CTNNB1: variants seen among roughly 807,000 people sequenced by gnomAD.
CTNNB1 encodes catenin beta 1.
A neutral mutation model predicts 82.5 loss-of-function variants in CTNNB1; 6 were observed. The observed-to-expected ratio is 0.07, with a 90% CI of 0.04 to 0.14. The LOEUF is 0.14. CTNNB1 is among the 10% of genes least tolerant of loss of function. The pLI, the probability that CTNNB1 is intolerant of heterozygous loss-of-function variation, is 1.00. For missense variants in CTNNB1, 529 were observed against 980.4 expected (o/e 0.54, Z 6.15); for synonymous variants, 312 against 329.7 (o/e 0.95, Z 0.58).
chr3:41,220,189 C>T (rs945780526), intron 1 of CTNNB1, among the ~76,000 whole-genome samples: 2 of 151,858 alleles, frequency 1.3e-5, no homozygotes, highest in South Asian at 4.2e-4. Context: ...AAAGAGATTT[C>T]CTATTTCTTT....
intron 1 of CTNNB1, among the ~76,000 whole-genome samples, chr3:41,207,110 GTT>G (rs1337861758): frequency 1.1e-4 from 17 of 152,108 alleles, no homozygotes; most frequent in Middle Eastern, 3.4e-3. Flanking sequence ...TTGTGCTGTC[GTT>G]TTTCCTGGGT....
intron 13 of CTNNB1, chr3:41,237,650 T>C (rs1431363638): frequency 1.5e-5 from 3 of 204,594 alleles, no homozygotes; most frequent in Non-Finnish European, 2.9e-5. Context: ...TTTTCTTTCA[T>C]ATAACACATC....
At chr3:41,208,956 T>G (rs991242313) in intron 1 of CTNNB1, among the ~76,000 whole-genome samples, 2 of 152,194 alleles carry the variant, frequency 1.3e-5, no homozygotes, top group Non-Finnish European at 2.9e-5. Context: ...CTTGAAAAAT[T>G]GCTTTATGTA....
At chr3:41,238,701 C>T (rs774765435) in intron 14 of CTNNB1, among the ~76,000 whole-genome samples, 5 of 152,136 alleles carry the variant, frequency 3.3e-5, no homozygotes, top group Non-Finnish European at 7.3e-5. Context: ...TTGTGGGTGT[C>T]ACTTGGCCTT....
chr3:41,218,468 A>G (rs960339820), intron 1 of CTNNB1, among the ~76,000 whole-genome samples: 5 of 152,252 alleles, frequency 3.3e-5, no homozygotes, highest in Non-Finnish European at 7.3e-5. Context: ...TACTGTTATG[A>G]ATGAAATCTG....
chr3:41,233,841 C>G lies in CTNNB1; in HGVS notation c.1498C>G (p.Pro500Ala), dbSNP rs2125640784. 3.1e-6 allele frequency: 5 copies of G among 1,613,784 alleles called. No individual in the cohort carries two copies. Among genetic ancestry groups the G allele is most frequent in the Non-Finnish European group, 4.2e-6 (5 of 1,179,910 alleles). Residue 500 changes from proline to alanine, a missense_variant, in exon 9 of 15, where the codon CCA becomes GCA. Transcript: ENST00000349496. ...GLPVVVKLLHPPSHWPLIKAT... is the reference protein window; with the variant it reads ...GLPVVVKLLHAPSHWPLIKAT... Reference sequence around the variant, plus strand: ...ACCAGTTGTGGTTAAGCTCTTACACCCACCATCCCACTGGCCTCTGATAAA... The same window carrying G: ...ACCAGTTGTGGTTAAGCTCTTACACGCACCATCCCACTGGCCTCTGATAAA...
chr3:41,236,873 A>G, intron 13 of CTNNB1, 164 bp downstream of exon 13: 5 of 819,214 alleles, frequency 6.1e-6, no homozygotes, highest in African/African-American at 1.7e-5. Flanking sequence ...AGGAAGAACT[A>G]TAATACAAGC....
intron 1 of CTNNB1, among the ~76,000 whole-genome samples, chr3:41,205,091 G>T (rs2077619371): frequency 6.6e-6 from 1 of 152,180 alleles, no homozygotes; most frequent in Non-Finnish European, 1.5e-5. Context: ...TTCTTTAAGT[G>T]TATTTTTAAG....
chr3:41,218,742 AG>A (rs2077971189), intron 1 of CTNNB1, among the ~76,000 whole-genome samples: 1 of 152,210 alleles, frequency 6.6e-6, no homozygotes, highest in Non-Finnish European at 1.5e-5. Flanking sequence ...TTTTTAGTAG[AG>A]ACAGGGTTTC....
intron 1 of CTNNB1, among the ~76,000 whole-genome samples, chr3:41,214,017 T>G (rs1390734969): frequency 3.3e-5 from 5 of 152,130 alleles, no homozygotes; most frequent in African/African-American, 1.2e-4. Flanking sequence ...GACAGAAGGT[T>G]TCAAAAGTTT....
intron 1 of CTNNB1, 88 bp from the exon 2 acceptor site, chr3:41,223,933 T>C: frequency 1.0e-6 from 1 of 961,584 alleles, no homozygotes; most frequent in South Asian, 1.4e-5. Flanking sequence ...GTGGGTGTAA[T>C]AGTGACATTT....
intron 7 of CTNNB1, among the ~76,000 whole-genome samples, chr3:41,229,189 CT>C (rs2078246460): frequency 1.3e-5 from 2 of 151,672 alleles, no homozygotes; most frequent in South Asian, 4.2e-4. Flanking sequence ...GCTATTCAGG[CT>C]CTTTTTTGGG....
chr3:41,203,824 C>A lies in CTNNB1; in HGVS notation c.-49+4154C>A, dbSNP rs947843213. Among the ~76,000 whole-genome samples, 3 of 152,082 alleles carry A rather than the reference C, an allele frequency of 2.0e-5. No individual in the cohort carries two copies. In the East Asian group the frequency reaches 5.8e-4, roughly 29 times the overall value. On this transcript the variant is annotated intron_variant, in intron 1 of 14. Coordinates refer to ENST00000349496, the MANE Select transcript of CTNNB1 (RefSeq NM_001904.4). Reference sequence around the variant, plus strand: ...TATTATTTTCTGAAAATCCATGTTTCAAATCAGAATCTAATTAGCAACAGG... The same window carrying A: ...TATTATTTTCTGAAAATCCATGTTTAAAATCAGAATCTAATTAGCAACAGG...
At position 41,236,393 on chromosome 3, in the gene CTNNB1, G is replaced by A; in HGVS notation, c.1848G>A (p.Gly616=). Residue 616 remains glycine, a synonymous_variant, in exon 12 of 15, where the codon GGG becomes GGA. Coordinates refer to ENST00000349496, the MANE Select transcript of CTNNB1 (RefSeq NM_001904.4). ...PIENIQRVAA[G]VLCELAQDKE... is the part of the protein sequence containing the mutation. ...AAAACATCCAAAGAGTAGCTGCAGG[G>A]GTCCTCTGTGAACTTGCTCAGGACA... 12 of 1,614,148 alleles carry A rather than the reference G, an allele frequency of 7.4e-6. No homozygotes were observed. Among genetic ancestry groups the A allele is most frequent in the Non-Finnish European group, 1.0e-5 (12 of 1,180,020 alleles).
At chr3:41,226,811 G>A (rs1362065122) in intron 6 of CTNNB1, among the ~76,000 whole-genome samples, 7 of 152,156 alleles carry the variant, frequency 4.6e-5, no homozygotes, top group Non-Finnish European at 7.3e-5. Context: ...GAAAATTAAA[G>A]GGCCAAATGA....
In CTNNB1 at chr3:41,239,345, C is replaced by T. The variant is rs1273314076; in HGVS notation, c.*3C>T. On this transcript the variant is annotated 3_prime_UTR_variant, in exon 15 of 15. Transcript: ENST00000349496. ...CCTGGTTTGATACTGACCTGTAAAT[C>T]ATCCTTTAGGTAAGAAGTTTTAAAA... 6.2e-7 allele frequency: 1 copy of T among 1,613,202 alleles called. No individual in the cohort carries two copies. The highest frequency in any genetic ancestry group is 1.7e-5 in the Admixed American group (1 of 59,910).
intron 7 of CTNNB1, among the ~76,000 whole-genome samples, chr3:41,230,876 C>T (rs1050460361): frequency 2.0e-5 from 3 of 152,126 alleles, no homozygotes; most frequent in Non-Finnish European, 2.9e-5. Context: ...GGGCTACACA[C>T]CAAATACACT....
intron 1 of CTNNB1, among the ~76,000 whole-genome samples, chr3:41,215,160 G>A (rs1346665361): frequency 6.8e-6 from 1 of 146,686 alleles, no homozygotes; most frequent in Non-Finnish European, 1.5e-5. Context: ...GGTGGATCAC[G>A]AGGGCAGGAG....
chr3:41,235,796 A>G lies in CTNNB1; in HGVS notation c.1756A>G (p.Asn586Asp), dbSNP rs763836725. ...TCACATCCTAGCTCGGGATGTTCAC[A>G]ACCGAATTGTTATCAGAGGACTAAA... is the stretch of plus-strand genomic sequence containing the variant. The part of the protein sequence containing the change: ...ALHILARDVH[N>D]RIVIRGLNTI... The change falls in exon 11 of 15, where the codon AAC becomes GAC. Residue 586 changes from asparagine to aspartate, a missense_variant. Coordinates refer to ENST00000349496, the MANE Select transcript of CTNNB1 (RefSeq NM_001904.4). 5.6e-6 allele frequency: 9 copies of G among 1,614,086 alleles called. No homozygotes were observed. Among genetic ancestry groups the G allele is most frequent in the Non-Finnish European group, 7.6e-6 (9 of 1,179,950 alleles).
Sources: allele counts gnomAD v4.1 joint callset (sites outside exome capture counted in the v4.1 genomes callset), GRCh38; gene constraint gnomAD v4.1.1; transcripts MANE v1.5; gene names NCBI Gene and HGNC (gene_info 2026-07-23, HGNC 2026-07-21).